The following CTNNA3 variants were observed in gnomAD, a reference collection of about 807,000 sequenced individuals.
CTNNA3 encodes catenin alpha 3.
CTNNA3 carries 76 observed loss-of-function variants against 95.7 expected under a neutral mutation model. That is an observed-to-expected ratio of 0.79 (90% confidence interval 0.66 to 0.96). The LOEUF is 0.96. Ranked by LOEUF, CTNNA3 falls within the 40% of genes least tolerant of loss-of-function variation. CTNNA3 has a pLI of 0.00. For synonymous variants in CTNNA3, 431 were observed against 374.4 expected (o/e 1.15, Z -1.74); for missense variants, 1,191 against 1,089.8 (o/e 1.09, Z -1.31).
intron 9 of CTNNA3, among the ~76,000 whole-genome samples, chr10:66,636,064 G>C (rs1215788592): frequency 6.6e-6 from 1 of 150,902 alleles, no homozygotes; most frequent in Non-Finnish European, 1.5e-5. Flanking sequence ...GCACATTTGT[G>C]TATGTATATA....
chr10:67,501,324 A>G (rs887517426), intron 5 of CTNNA3, among the ~76,000 whole-genome samples: 2 of 152,212 alleles, frequency 1.3e-5, no homozygotes, highest in Non-Finnish European at 2.9e-5. Flanking sequence ...GTTTCTGCAG[A>G]GAGATCCACT....
intron 12 of CTNNA3, among the ~76,000 whole-genome samples, chr10:66,347,579 A>G (rs1333286032): frequency 6.6e-6 from 1 of 152,016 alleles, no homozygotes; most frequent in East Asian, 1.9e-4. Context: ...CTGCCACTGT[A>G]CTCTTGCCTG....
intron 9 of CTNNA3, among the ~76,000 whole-genome samples, chr10:66,661,744 G>A (rs7906692): frequency 0.65 from 99,127 of 151,558 alleles, 33,220 homozygotes; most frequent in East Asian, 0.95. Flanking sequence ...GAAGGTTGTT[G>A]ATGCAGGCTT....
At chr10:67,744,678 C>T (rs201044163) in intron 1 of CTNNA3, among the ~76,000 whole-genome samples, 1 of 150,938 alleles carries the variant, frequency 6.6e-6, no homozygotes, top group East Asian at 1.9e-4. Flanking sequence ...TAAAGAGTTT[C>T]TGCACAGCAA....
chr10:67,219,650 T>A lies in CTNNA3; in HGVS notation c.800A>T (p.Glu267Val), dbSNP rs1305143351. The change falls in exon 6 of 18, where the codon GAA becomes GTA. Residue 267 changes from glutamate (E) to valine (V), a missense_variant. By Grantham distance (121) the Glu-to-Val change is moderately radical. Transcript: ENST00000433211. ...QGIQNMTTPP[E>V]PQAATLGSAL... ...ACTTCCCAGGGTTGCTGCCTGAGGT[T>A]CTGGTGGGGTTGTCATATTCTGGAT... 3 of 1,613,960 alleles carry A rather than the reference T, an allele frequency of 1.9e-6. No homozygotes were observed. Among genetic ancestry groups the A allele is most frequent in the Non-Finnish European group, 2.5e-6 (3 of 1,179,998 alleles).
intron 10 of CTNNA3, among the ~76,000 whole-genome samples, chr10:66,528,026 T>C (rs1841330627): frequency 6.6e-6 from 1 of 152,134 alleles, no homozygotes. Flanking sequence ...TACACAGAAC[T>C]CCAAGGAACT....
At chr10:66,375,229 GA>G (rs541587849) in intron 12 of CTNNA3, among the ~76,000 whole-genome samples, 1,458 of 109,952 alleles carry the variant, frequency 0.013, 10 homozygotes, top group African/African-American at 0.033. Flanking sequence ...GCCCACATCA[GA>G]AAAAAAAAAA....
chr10:67,520,277 C>T (rs1284338120), intron 5 of CTNNA3, among the ~76,000 whole-genome samples: 1 of 152,188 alleles, frequency 6.6e-6, no homozygotes, highest in Non-Finnish European at 1.5e-5. Flanking sequence ...ATTTACCCAT[C>T]TATCCTCAAT....
At chr10:66,177,542 A>G (rs1312328738) in intron 13 of CTNNA3, among the ~76,000 whole-genome samples, 1 of 152,070 alleles carries the variant, frequency 6.6e-6, no homozygotes, top group African/African-American at 2.4e-5. Flanking sequence ...ACGAACGATA[A>G]AAAGCGATTT....
intron 7 of CTNNA3, among the ~76,000 whole-genome samples, chr10:66,871,765 A>G (rs1373482022): frequency 6.6e-6 from 1 of 152,160 alleles, no homozygotes; most frequent in Admixed American, 6.6e-5. Context: ...GAACTCATCA[A>G]TAACTGGCAT....
At chr10:66,016,143 T>G (rs1359241336) in intron 15 of CTNNA3, among the ~76,000 whole-genome samples, 1 of 152,154 alleles carries the variant, frequency 6.6e-6, no homozygotes, top group Non-Finnish European at 1.5e-5. Context: ...GAGACAATAG[T>G]TGGGAGATGC....
chr10:66,656,620 C>A (rs188609319), intron 9 of CTNNA3, among the ~76,000 whole-genome samples: 1 of 152,052 alleles, frequency 6.6e-6, no homozygotes, highest in East Asian at 1.9e-4. Context: ...CCCCAATAAA[C>A]ATTTACTTTT....
intron 5 of CTNNA3, among the ~76,000 whole-genome samples, chr10:67,515,370 A>G (rs1788068164): frequency 6.6e-6 from 1 of 152,226 alleles, no homozygotes; most frequent in African/African-American, 2.4e-5. Context: ...TCTTTTCTCT[A>G]TATCAGAAAA....
chr10:67,353,526 T>C (rs1159999892), intron 5 of CTNNA3, among the ~76,000 whole-genome samples: 1 of 150,764 alleles, frequency 6.6e-6, no homozygotes, highest in Non-Finnish European at 1.5e-5. Flanking sequence ...TTAAATTTGA[T>C]GTTTACTTAG....
intron 7 of CTNNA3, among the ~76,000 whole-genome samples, chr10:66,987,420 T>A (rs983680083): frequency 1.3e-5 from 2 of 152,168 alleles, no homozygotes; most frequent in African/African-American, 4.8e-5. Flanking sequence ...AATGTAGGGC[T>A]GAAGAATCAG....
At chr10:66,782,076 C>A (rs1840559023) in intron 7 of CTNNA3, among the ~76,000 whole-genome samples, 1 of 152,044 alleles carries the variant, frequency 6.6e-6, no homozygotes, top group African/African-American at 2.4e-5. Context: ...TTTGTGGAGC[C>A]AGTTGAAATT....
intron 5 of CTNNA3, among the ~76,000 whole-genome samples, chr10:67,309,883 C>T (rs1840714739): frequency 6.6e-6 from 1 of 151,934 alleles, no homozygotes; most frequent in African/African-American, 2.4e-5. Flanking sequence ...TTGTTCTGTA[C>T]CAAGAACTGT....
intron 11 of CTNNA3, among the ~76,000 whole-genome samples, chr10:66,477,488 T>TTA (rs1166901578): frequency 6.6e-6 from 1 of 152,072 alleles, no homozygotes; most frequent in African/African-American, 2.4e-5. Context: ...TTTCAATGAA[T>TTA]GATGTAGAAA....
chr10:66,212,920 T>A (rs1366680733), intron 13 of CTNNA3, among the ~76,000 whole-genome samples: 1 of 152,082 alleles, frequency 6.6e-6, no homozygotes, highest in Non-Finnish European at 1.5e-5. Context: ...TGAGAATCCT[T>A]TGAACCTGGG....
Sources: gnomAD v4.1 joint callset for allele counts (sites outside exome capture counted in the v4.1 genomes callset) on GRCh38, gnomAD v4.1.1 for gene constraint, MANE v1.5 for transcripts, NCBI Gene and HGNC (gene_info 2026-07-23, HGNC 2026-07-21) for gene names.